TRRAP: variants seen among roughly 807,000 people sequenced by gnomAD.
TRRAP encodes transformation/transcription domain associated protein.
TRRAP carries 41 observed loss-of-function variants against 438.8 expected under a neutral mutation model. The ratio of observed to expected loss-of-function variants is 0.09; its 90% confidence interval spans 0.07 to 0.12. The LOEUF (loss-of-function observed/expected upper bound fraction) is 0.12. Ranked by LOEUF, TRRAP falls within the 10% of genes least tolerant of loss-of-function variation. TRRAP has a pLI of 1.00. For synonymous variants in TRRAP, 1,994 were observed against 1,962.9 expected (o/e 1.02, Z -0.42); for missense variants, 3,122 against 5,055.1 (o/e 0.62, Z 11.60).
chr7:98,953,080 T>TG (rs1554418600), intron 39 of TRRAP, 87 bp from the exon 40 acceptor site: 9 of 818,686 alleles, frequency 1.1e-5, no homozygotes, highest in East Asian at 1.1e-4. Flanking sequence ...TGTGTGTGTG[T>TG]TTTTAAGGCT....
chr7:98,987,832 G>A (rs973904482), intron 62 of TRRAP, among the ~76,000 whole-genome samples: 3 of 152,194 alleles, frequency 2.0e-5, no homozygotes, highest in African/African-American at 7.2e-5. Context: ...CCTTTTATAA[G>A]CTTGAGGAAC....
At chr7:98,970,875 G>A (rs1792386870) in intron 52 of TRRAP, among the ~76,000 whole-genome samples, 1 of 152,150 alleles carries the variant, frequency 6.6e-6, no homozygotes, top group Admixed American at 6.5e-5. Context: ...GGGAGCCTTT[G>A]CTCCTCCGAG....
intron 17 of TRRAP, among the ~76,000 whole-genome samples, chr7:98,911,675 A>G (rs1648570317): frequency 6.6e-6 from 1 of 151,820 alleles, no homozygotes; most frequent in Non-Finnish European, 1.5e-5. Context: ...TTGAGGCAGG[A>G]GGATTGTTTG....
At chr7:98,989,167 C>A (rs1793279640) in intron 63 of TRRAP, among the ~76,000 whole-genome samples, 2 of 152,236 alleles carry the variant, frequency 1.3e-5, no homozygotes, top group Non-Finnish European at 2.9e-5. Flanking sequence ...ACTCTTAGGG[C>A]CCCAGAACTT....
intron 16 of TRRAP, 110 bp from the exon 17 acceptor site, chr7:98,910,967 C>T (rs1789241139): frequency 1.1e-6 from 1 of 872,022 alleles, no homozygotes; most frequent in African/African-American, 1.8e-5. Context: ...CATTTGTTAT[C>T]TAATTTAAGT....
At chr7:98,954,555 G>T (rs186854340) in intron 40 of TRRAP, among the ~76,000 whole-genome samples, 210 of 152,288 alleles carry the variant, frequency 1.4e-3, no homozygotes, top group Non-Finnish European at 2.4e-3. Flanking sequence ...AAACACTCGA[G>T]AACTCTGTGA....
At chr7:98,939,344 T>C (rs1274346021) in intron 30 of TRRAP, among the ~76,000 whole-genome samples, 1 of 152,198 alleles carries the variant, frequency 6.6e-6, no homozygotes, top group Non-Finnish European at 1.5e-5. Flanking sequence ...TGATACAGTG[T>C]ATCACAGTGC....
At chr7:98,950,296 G>T in intron 38 of TRRAP, 34 bp downstream of exon 38, 1 of 1,609,098 alleles carries the variant, frequency 6.2e-7, no homozygotes, top group South Asian at 1.1e-5. Context: ...GAAGGGTATG[G>T]GTATTTGGTC....
intron 12 of TRRAP, among the ~76,000 whole-genome samples, chr7:98,905,586 G>A (rs532099717): frequency 1.3e-5 from 2 of 152,292 alleles, no homozygotes; most frequent in East Asian, 1.9e-4. Context: ...CTGCAAGGAC[G>A]CAGAGAGTAA....
Position 98,984,251 on chromosome 7 carries a change from C to T in TRRAP, c.9181C>T (p.His3061Tyr). The change falls in exon 61 of 73, where the codon CAT becomes TAT. Residue 3061 changes from histidine (H) to tyrosine (Y), a missense_variant. His to Tyr is a moderately conservative substitution (Grantham distance 83). Transcript: ENST00000456197. Reference sequence around the variant, plus strand: ...AGCTCTGGATATATTAAGTCGGATTCATACTATTCCAACTGTTCCTATCGT... The same window carrying T: ...AGCTCTGGATATATTAAGTCGGATTTATACTATTCCAACTGTTCCTATCGT... ...NVALDILSRI[H>Y]TIPTVPIVDC... 6.2e-7 allele frequency: 1 copy of T among 1,613,936 alleles called. No individual in the cohort carries two copies. The highest frequency in any genetic ancestry group is 8.5e-7 in the Non-Finnish European group (1 of 1,179,936).
intron 7 of TRRAP, 50 bp from the exon 8 acceptor site, chr7:98,897,691 G>A: frequency 7.2e-7 from 1 of 1,397,608 alleles, no homozygotes; most frequent in Non-Finnish European, 9.7e-7. Context: ...GTTTTTGAAT[G>A]AATATTGGGT....
intron 20 of TRRAP, among the ~76,000 whole-genome samples, chr7:98,918,658 C>T (rs1479135141): frequency 5.3e-5 from 8 of 152,136 alleles, no homozygotes; most frequent in African/African-American, 1.9e-4. Context: ...GGGATATTGA[C>T]TCTAAAGGAA....
chr7:98,929,899 T>G, intron 23 of TRRAP, 90 bp from the exon 24 acceptor site: 39 of 1,409,590 alleles, frequency 2.8e-5, no homozygotes, highest in Non-Finnish European at 3.5e-5. Flanking sequence ...CTGCTTTTTA[T>G]GGAGTTTCTA....
At chr7:98,938,594 A>C (rs2116551926) in intron 30 of TRRAP, among the ~76,000 whole-genome samples, 1 of 152,278 alleles carries the variant, frequency 6.6e-6, no homozygotes, top group Non-Finnish European at 1.5e-5. Flanking sequence ...TTCCCATTTA[A>C]CAGCCATCAT....
intron 23 of TRRAP, among the ~76,000 whole-genome samples, chr7:98,928,004 C>T (rs1217370766): frequency 2.0e-5 from 3 of 152,096 alleles, no homozygotes; most frequent in South Asian, 2.1e-4. Context: ...TTTGGGAGGC[C>T]GAGGTGGGCG....
At chr7:98,916,297 TAC>T (rs1789516706) in intron 19 of TRRAP, among the ~76,000 whole-genome samples, 1 of 152,210 alleles carries the variant, frequency 6.6e-6, no homozygotes, top group Admixed American at 6.5e-5. Context: ...AGAGTTGACT[TAC>T]AGTTAGTTTA....
At chr7:98,922,206 G>A (rs557236692) in intron 21 of TRRAP, among the ~76,000 whole-genome samples, 13 of 152,082 alleles carry the variant, frequency 8.5e-5, no homozygotes, top group African/African-American at 2.9e-4. Context: ...CCATCCCGCC[G>A]TGAACTCCTT....
rs139426093 is a variant in TRRAP, at chr7:98,935,643, C to A, written c.4079C>A (p.Pro1360Gln). The change falls in exon 28 of 73, where the codon CCG becomes CAG. Residue 1360 changes from proline to glutamine, a missense_variant. Pro to Gln is a moderately conservative substitution (Grantham distance 76). This residue lies in a region of TRRAP where 84 missense variants were observed against 119.8 expected (regional missense o/e 0.70). Transcript: ENST00000456197. ...AAGCTGCCCTGTTATAAAAGCCTTC[C>A]GTCACTCGTACCTTTACGAATTGCG... ...LTKLPCYKSL[P>Q]SLVPLRIAAL... 12 of 1,603,654 alleles carry A rather than the reference C, an allele frequency of 7.5e-6. No homozygotes were observed. The highest frequency in any genetic ancestry group is 1.0e-5 in the Non-Finnish European group (12 of 1,171,536).
chr7:98,984,059 G>A lies in TRRAP; in HGVS notation c.9023-34G>A, dbSNP rs769874223. The A allele has an allele frequency of 9.8e-6, 15 of 1,538,386 alleles. No individual in the cohort carries two copies. The South Asian group carries it at 1.7e-4, about 17-fold the overall frequency. On this transcript the variant is annotated intron_variant, in intron 60 of 72. Transcript: ENST00000456197. ...TGTGAAGTGCTTTGAAAGAGGATCGGTGTGGGCTAATGATTCCTTTCTTTG... is the reference window on the plus strand; with the variant it reads ...TGTGAAGTGCTTTGAAAGAGGATCGATGTGGGCTAATGATTCCTTTCTTTG...
Sources: gnomAD v4.1 joint callset for allele counts (sites outside exome capture counted in the v4.1 genomes callset) on GRCh38, gnomAD v4.1.1 for gene constraint, gnomAD v4.1.1 regional missense constraint, MANE v1.5 for transcripts, NCBI Gene and HGNC (gene_info 2026-07-23, HGNC 2026-07-21) for gene names.